TCEANC2: variants seen among roughly 807,000 people sequenced by gnomAD.
TCEANC2 encodes the protein transcription elongation factor A N-terminal and central domain-containing protein 2.
A neutral mutation model predicts 22.8 loss-of-function variants in TCEANC2; 20 were observed. The ratio of observed to expected loss-of-function variants is 0.88; its 90% CI spans 0.62 to 1.28. The LOEUF (loss-of-function observed/expected upper bound fraction) is 1.28. TCEANC2 is among the 50% of genes most tolerant of loss of function. The pLI, the probability that TCEANC2 is intolerant of heterozygous loss-of-function variation, is 0.00. For missense variants in TCEANC2, 251 were observed against 249.7 expected, an observed-to-expected ratio of 1.01 and a Z score of -0.03; for synonymous variants, 84 against 95.5, an observed-to-expected ratio of 0.88 and a Z score of 0.70.
chr1:54,057,783 G>A (rs1199833072), intron 2 of TCEANC2, among the ~76,000 whole-genome samples: 1 of 152,102 alleles, frequency 6.6e-6, no homozygotes, highest in Non-Finnish European at 1.5e-5. Context: ...GGCCTTCCAT[G>A]ACCTGGCGCC....
At chr1:54,059,676 T>C (rs957373522) in intron 2 of TCEANC2, among the ~76,000 whole-genome samples, 1 of 152,226 alleles carries the variant, frequency 6.6e-6, no homozygotes, top group Non-Finnish European at 1.5e-5. Context: ...CCTGTAGCTT[T>C]CTCCAATCCA....
chr1:54,095,754 C>T (rs944143480), intron 4 of TCEANC2, among the ~76,000 whole-genome samples: 4 of 152,204 alleles, frequency 2.6e-5, no homozygotes, highest in Non-Finnish European at 4.4e-5. Context: ...AGCTCTGTCT[C>T]TTAGTAATTG....
intron 3 of TCEANC2, among the ~76,000 whole-genome samples, chr1:54,087,083 G>A (rs1028411480): frequency 2.6e-5 from 4 of 152,080 alleles, no homozygotes; most frequent in Admixed American, 6.6e-5. Flanking sequence ...AAAGCTATTG[G>A]TTTTTAAAAA....
Position 54,094,661 on chromosome 1 carries a change from T to C in TCEANC2, c.439-1624T>C, listed in dbSNP as rs780030158. ...CTAGGCTGCCCAAGGGCCCAAGGGC[T>C]GAGCCTGCCTTAGTCACTGTTTATT... On this transcript the variant is annotated intron_variant, in intron 4 of 4. Transcript: ENST00000234827. Among the ~76,000 whole-genome samples, 147 of 152,328 alleles carry C rather than the reference T, an allele frequency of 9.7e-4. 2 individuals are homozygous for C. The highest frequency in any genetic ancestry group is 2.8e-4 in the Non-Finnish European group (19 of 68,028).
At position 54,099,735 on chromosome 1, in the gene TCEANC2, C is replaced by A. The variant is rs1323592168; in HGVS notation, c.*3262C>A. ...CTCCAGCCTGGGCAACAGAGTGAGA[C>A]TCTGTCTCAAAAAAAAAAAAAAAAA... On this transcript the variant is annotated 3_prime_UTR_variant, in exon 5 of 5. Coordinates refer to ENST00000234827, the MANE Select transcript of TCEANC2 (RefSeq NM_153035.3). 4 of 130,150 alleles carry A rather than the reference C, an allele frequency of 3.1e-5. No individual in the cohort carries two copies. Among genetic ancestry groups the A allele is most frequent in the Non-Finnish European group, 4.6e-5 (3 of 64,546 alleles). The allele number at this position is 130,150 out of a possible 1,614,324, so 8.1% of individuals were successfully genotyped here.
intron 3 of TCEANC2, among the ~76,000 whole-genome samples, chr1:54,087,177 AT>A (rs1290752749): frequency 1.3e-5 from 2 of 152,192 alleles, no homozygotes; most frequent in Non-Finnish European, 2.9e-5. Flanking sequence ...TGTATCTTAT[AT>A]TCTTCCATTT....
intron 3 of TCEANC2, among the ~76,000 whole-genome samples, chr1:54,071,592 A>T (rs1397522767): frequency 6.6e-6 from 1 of 152,186 alleles, no homozygotes; most frequent in African/African-American, 2.4e-5. Context: ...GAAGTGATAT[A>T]TCATCAGTTT....
chr1:54,061,666 A>G (rs2100355893), intron 2 of TCEANC2, among the ~76,000 whole-genome samples: 1 of 152,312 alleles, frequency 6.6e-6, no homozygotes, highest in African/African-American at 2.4e-5. Context: ...GCTTGCTTGA[A>G]GTCATGTAGC....
rs758227253 is a variant in TCEANC2, at chr1:54,096,340, G to A, written c.494G>A (p.Arg165His). 3.1e-6 allele frequency: 5 copies of A among 1,609,084 alleles called. No homozygotes were observed. The highest frequency in any genetic ancestry group is 1.7e-5 in the Admixed American group (1 of 59,946). ...IERETFHLCS[R>H]LINGPYRRTV... is the part of the protein sequence containing the mutation. ...CGGGAAACGTTTCATCTCTGCTCCC[G>A]CCTCATTAATGGGCCGTACCGGCGG... Residue 165 changes from arginine to histidine, a missense_variant, in exon 5 of 5, where the codon CGC becomes CAC. Physicochemically the swap from Arg to His is conservative, Grantham distance 29. Transcript: ENST00000234827. This position sits in a 1 kb window ranked among gnomAD's most constrained non-coding sequence, Gnocchi z 4.9.
At position 54,088,704 on chromosome 1, in the gene TCEANC2, C is replaced by T; in HGVS notation, c.352C>T (p.Pro118Ser). The T allele has an allele frequency of 1.2e-6, 2 of 1,610,726 alleles. No individual in the cohort carries two copies. Among genetic ancestry groups the T allele is most frequent in the East Asian group, 2.2e-5 (1 of 44,718 alleles). Reference sequence around the variant, plus strand: ...TTTCACTGAAAAACATTCAAATAGACCTTCTATTGAAGTTAGAAGTGATCC... The same window carrying T: ...TTTCACTGAAAAACATTCAAATAGATCTTCTATTGAAGTTAGAAGTGATCC... ...KTFTEKHSNR[P>S]SIEVRSDPKT... Residue 118 changes from proline (P) to serine (S), a missense_variant, in exon 4 of 5, where the codon CCT becomes TCT. By Grantham distance (74) the Pro-to-Ser change is moderately conservative. Coordinates refer to ENST00000234827, the MANE Select transcript of TCEANC2 (RefSeq NM_153035.3).
downstream of TCEANC2, among the ~76,000 whole-genome samples, chr1:54,110,441 A>G (rs1353909676): frequency 6.6e-6 from 1 of 151,774 alleles, no homozygotes; most frequent in African/African-American, 2.4e-5. Context: ...ATCTCTTTAC[A>G]AAAGAAAAAA....
chr1:54,089,920 C>G, intron 4 of TCEANC2: 1 of 752,800 alleles, frequency 1.3e-6, no homozygotes, highest in South Asian at 1.6e-5. Flanking sequence ...CAAACAATGG[C>G]AAGGCAGAGC....
chr1:54,060,565 T>C (rs768548840), intron 2 of TCEANC2, among the ~76,000 whole-genome samples: 2 of 151,962 alleles, frequency 1.3e-5, no homozygotes, highest in Non-Finnish European at 2.9e-5. Context: ...CAAGACCCTG[T>C]CTCAAAAATA....
chr1:54,090,533 G>A (rs1275598643), intron 4 of TCEANC2, among the ~76,000 whole-genome samples: 1 of 152,042 alleles, frequency 6.6e-6, no homozygotes, highest in Admixed American at 6.6e-5. Flanking sequence ...TTTAGTTAGT[G>A]TCATTTTTTA....
At chr1:54,107,622 A>G (rs1299071572), downstream of TCEANC2, among the ~76,000 whole-genome samples, 1 of 152,086 alleles carries the variant, frequency 6.6e-6, no homozygotes, top group Non-Finnish European at 1.5e-5. Flanking sequence ...TTTTTTGATA[A>G]TTTATTTATT....
In TCEANC2 at chr1:54,096,928, C is replaced by T; in HGVS notation, c.*455C>T. ...AGCTCTGGTGCCTCTCAGAACTCCCCTGTCTGTTCTCTTTGCTCTATCCCA... is the reference window on the plus strand; with the variant it reads ...AGCTCTGGTGCCTCTCAGAACTCCCTTGTCTGTTCTCTTTGCTCTATCCCA... On this transcript the variant is annotated 3_prime_UTR_variant, in exon 5 of 5. Transcript: ENST00000234827. This position sits in a 1 kb window ranked among gnomAD's most constrained non-coding sequence, Gnocchi z 4.9. 1 of 987,130 alleles carries T rather than the reference C, an allele frequency of 1.0e-6. No homozygotes were observed. The highest frequency in any genetic ancestry group is 1.2e-6 in the Non-Finnish European group (1 of 830,828). The allele number at this position is 987,130 out of a possible 1,614,324, so 61.1% of individuals were successfully genotyped here. A position where few individuals can be genotyped will look rare whatever the true frequency, so the allele number is the denominator to read the frequency against.
intron 2 of TCEANC2, among the ~76,000 whole-genome samples, chr1:54,064,287 G>A (rs1657908383): frequency 6.6e-6 from 1 of 152,186 alleles, no homozygotes; most frequent in Non-Finnish European, 1.5e-5. Flanking sequence ...GGGTGTCCAG[G>A]TTCTTGGCGT....
chr1:54,083,941 C>G (rs1171329055), intron 3 of TCEANC2, among the ~76,000 whole-genome samples: 1 of 151,894 alleles, frequency 6.6e-6, no homozygotes, highest in Non-Finnish European at 1.5e-5. Flanking sequence ...CTGAGACCTG[C>G]TTTTTTCACT....
intron 3 of TCEANC2, among the ~76,000 whole-genome samples, chr1:54,070,534 C>A (rs1177600740): frequency 6.6e-6 from 1 of 152,136 alleles, no homozygotes; most frequent in African/African-American, 2.4e-5. Context: ...ATTCAAGGAT[C>A]ATAATGAAAC....
Sources: gnomAD v4.1 joint callset for allele counts (sites outside exome capture counted in the v4.1 genomes callset) on GRCh38, gnomAD v4.1.1 for gene constraint, Gnocchi (gnomAD v3.1) non-coding constraint, MANE v1.5 for transcripts, NCBI Gene and HGNC (gene_info 2026-07-23, HGNC 2026-07-21) for gene names.